Variants in FSTL4 observed in about 807,000 individuals in gnomAD.
FSTL4 encodes follistatin like 4, also known as follistatin-related protein 4.
A neutral mutation model predicts 78.2 loss-of-function variants in FSTL4; 28 were observed. The observed-to-expected ratio is 0.36, with a 90% CI of 0.27 to 0.49. The LOEUF is 0.49. Ranked by LOEUF, FSTL4 falls within the 20% of genes least tolerant of loss-of-function variation. The pLI is 0.98. For synonymous variants in FSTL4, 422 were observed against 440.5 expected (o/e 0.96, Z 0.53); for missense variants, 922 against 1,084.9 (o/e 0.85, Z 2.11).
intron 3 of FSTL4, among the ~76,000 whole-genome samples, chr5:133,436,375 G>A (rs933225361): frequency 2.0e-5 from 3 of 152,296 alleles, no homozygotes; most frequent in Middle Eastern, 3.4e-3. Flanking sequence ...GATGGAGGAT[G>A]ACCTGTGGCA....
intron 3 of FSTL4, among the ~76,000 whole-genome samples, chr5:133,505,478 G>C (rs1467434996): frequency 6.6e-6 from 1 of 152,160 alleles, no homozygotes; most frequent in African/African-American, 2.4e-5. Flanking sequence ...AGGTGCCGAA[G>C]ACAAGATTCT....
At chr5:133,557,360 C>T (rs1759811880) in intron 3 of FSTL4, among the ~76,000 whole-genome samples, 1 of 152,202 alleles carries the variant, frequency 6.6e-6, no homozygotes. Context: ...GAGTGAGAGA[C>T]ACCCAGATGT....
the FSTL4 span, among the ~76,000 whole-genome samples, chr5:133,741,636 T>G: frequency 0.17 from 25,889 of 152,140 alleles, 2,729 homozygotes; most frequent in Non-Finnish European, 0.24. Context: ...CAGAAAGCCC[T>G]AAGAGAACAC....
At chr5:133,750,011 G>C in the FSTL4 span, among the ~76,000 whole-genome samples, 2 of 152,156 alleles carry the variant, frequency 1.3e-5, no homozygotes, top group Non-Finnish European at 2.9e-5. Context: ...TCTCCAGGGG[G>C]CTCCCAATCC....
chr5:133,537,969 T>C (rs183711330), intron 3 of FSTL4, among the ~76,000 whole-genome samples: 107 of 152,180 alleles, frequency 7.0e-4, no homozygotes, highest in African/African-American at 2.5e-3. Flanking sequence ...TAAAGCCCCA[T>C]GTGCCTTTAA....
chr5:133,769,577 C>A, the FSTL4 span, among the ~76,000 whole-genome samples: 2 of 152,156 alleles, frequency 1.3e-5, no homozygotes, highest in African/African-American at 4.8e-5. Flanking sequence ...AGCAAAGGGG[C>A]CCCTAGCTCT....
chr5:133,776,885 GA>G, the FSTL4 span, among the ~76,000 whole-genome samples: 1 of 152,082 alleles, frequency 6.6e-6, no homozygotes. Context: ...CTGTATGTCC[GA>G]AAGGTCCCAC....
At position 133,528,249 on chromosome 5, in the gene FSTL4, C is replaced by T. The variant is rs896876643; in HGVS notation, c.160+38937G>A. Among the ~76,000 whole-genome samples, 15 of 152,216 alleles carry T rather than the reference C, an allele frequency of 9.9e-5. 1 individual carries two copies. The highest frequency in any genetic ancestry group is 5.9e-5 in the Non-Finnish European group (4 of 68,050). The stretch of plus-strand genomic sequence containing the variant: ...AGCTGCCCATTAGGCCTCACTATGG[C>T]CTACAAGCTCTGCCAACCTTTCTGG... On this transcript the variant is annotated intron_variant, in intron 3 of 15. Coordinates refer to ENST00000265342, the MANE Select transcript of FSTL4 (RefSeq NM_015082.2).
intron 6 of FSTL4, among the ~76,000 whole-genome samples, chr5:133,258,067 A>G (rs1752426316): frequency 6.6e-6 from 1 of 152,308 alleles, no homozygotes; most frequent in Non-Finnish European, 1.5e-5. Flanking sequence ...AGAGGGGGCC[A>G]TGCTGTGTGT....
chr5:133,566,084 C>T lies in FSTL4; in HGVS notation c.160+1102G>A, dbSNP rs536465978. Among the ~76,000 whole-genome samples, 24 of 152,232 alleles carry T rather than the reference C, an allele frequency of 1.6e-4. No individual in the cohort carries two copies. The East Asian group carries it at 4.1e-3, about 26-fold the overall frequency. ...CCTATAGTTCAGAGGACATCGAGTC[C>T]GAAGCCGAAGATAATGGCAAATGGG... On this transcript the variant is annotated intron_variant, in intron 3 of 15. Transcript: ENST00000265342.
chr5:133,376,100 A>G (rs1755429881), intron 4 of FSTL4, among the ~76,000 whole-genome samples: 1 of 152,260 alleles, frequency 6.6e-6, no homozygotes, highest in Admixed American at 6.5e-5. Flanking sequence ...ATAAACATAT[A>G]CAAAGTCCTG....
At chr5:133,482,728 A>C (rs1758054109) in intron 3 of FSTL4, among the ~76,000 whole-genome samples, 1 of 152,146 alleles carries the variant, frequency 6.6e-6, no homozygotes, top group South Asian at 2.1e-4. Flanking sequence ...TATGCACGAG[A>C]GTGGGGATCC....
the FSTL4 span, among the ~76,000 whole-genome samples, chr5:133,730,586 C>T: frequency 3.9e-5 from 6 of 152,300 alleles, no homozygotes; most frequent in South Asian, 6.2e-4. Context: ...ACCTGGACAA[C>T]GGTGTCCTTC....
At chr5:133,576,874 T>C (rs1298839166) in intron 2 of FSTL4, among the ~76,000 whole-genome samples, 1 of 152,256 alleles carries the variant, frequency 6.6e-6, no homozygotes, top group Non-Finnish European at 1.5e-5. Context: ...ACAATCTTTC[T>C]TACAATTTTT....
At chr5:133,303,211 G>A (rs1753586505) in intron 6 of FSTL4, among the ~76,000 whole-genome samples, 1 of 152,252 alleles carries the variant, frequency 6.6e-6, no homozygotes, top group East Asian at 1.9e-4. Flanking sequence ...AACCCAGAGT[G>A]AGGGTGTGGG....
At chr5:133,524,501 T>C (rs1440474579) in intron 3 of FSTL4, among the ~76,000 whole-genome samples, 1 of 152,130 alleles carries the variant, frequency 6.6e-6, no homozygotes, top group Admixed American at 6.5e-5. Context: ...GTGTGTCACT[T>C]TGCCTCATTC....
the FSTL4 span, among the ~76,000 whole-genome samples, chr5:133,756,114 G>A: frequency 3.3e-5 from 5 of 152,064 alleles, no homozygotes; most frequent in African/African-American, 4.8e-5. Flanking sequence ...GCAAGAGCGG[G>A]CTTATAATTT....
In FSTL4 at chr5:133,570,066, G is replaced by A. The variant is rs185735439; in HGVS notation, c.127-2847C>T. ...CTACTAAAAATACAAAAAATTAGCC[G>A]GGCGTGGTGGTGGGCGCCTGTAGTC... On this transcript the variant is annotated intron_variant, in intron 2 of 15. Coordinates refer to ENST00000265342, the MANE Select transcript of FSTL4 (RefSeq NM_015082.2). Among the ~76,000 whole-genome samples, 95 of 151,730 alleles carry A rather than the reference G, an allele frequency of 6.3e-4. 1 individual carries two copies. The highest frequency in any genetic ancestry group is 2.0e-3 in the African/African-American group (81 of 41,412).
intron 7 of FSTL4, among the ~76,000 whole-genome samples, chr5:133,238,933 C>T (rs1474606711): frequency 6.6e-6 from 1 of 152,220 alleles, no homozygotes; most frequent in Non-Finnish European, 1.5e-5. Flanking sequence ...CTGTGGGAGC[C>T]CCTTTCTGGG....
Sources: gnomAD v4.1 joint callset for allele counts (sites outside exome capture counted in the v4.1 genomes callset) on GRCh38, gnomAD v4.1.1 for gene constraint, MANE v1.5 for transcripts, NCBI Gene and HGNC (gene_info 2026-07-23, HGNC 2026-07-21) for gene names.